Variants in NTNG1 observed in about 807,000 individuals in gnomAD.
NTNG1 encodes netrin G1.
Under a neutral mutation model 54.0 loss-of-function variants are expected in NTNG1, and 16 were observed. That is an observed-to-expected ratio of 0.30 (90% CI 0.20 to 0.45). The LOEUF is 0.45. NTNG1 is among the 20% of genes least tolerant of loss of function. The pLI is 1.00. For synonymous variants in NTNG1, 255 were observed against 263.1 expected, an observed-to-expected ratio of 0.97 and a Z score of 0.30; for missense variants, 530 against 678.7, an observed-to-expected ratio of 0.78 and a Z score of 2.43.
At chr1:107,368,944 CCA>C (rs1670753669) in intron 3 of NTNG1, among the ~76,000 whole-genome samples, 4 of 152,280 alleles carry the variant, frequency 2.6e-5, no homozygotes, top group Admixed American at 2.6e-4. Flanking sequence ...GTGAACATAT[CCA>C]TTATGCCCAG....
rs182936010 is a variant in NTNG1, at chr1:107,400,800, C to G, written c.1060+5474C>G. On this transcript the variant is annotated intron_variant, in intron 4 of 7. Coordinates refer to ENST00000370068, the MANE Select transcript of NTNG1 (RefSeq NM_001113226.3). The stretch of plus-strand genomic sequence containing the variant: ...AGTAGCTGGGATTACAGGTGCCCAC[C>G]ACCACACCCAGCTAATTTTTTGTAT... Among the ~76,000 whole-genome samples, 95 of 152,196 alleles carry G rather than the reference C, an allele frequency of 6.2e-4. 2 individuals carry two copies. In the East Asian group the frequency reaches 0.013, roughly 21 times the overall value.
chr1:107,209,922 C>G (rs910758920), intron 2 of NTNG1, among the ~76,000 whole-genome samples: 1 of 151,538 alleles, frequency 6.6e-6, no homozygotes, highest in Admixed American at 6.6e-5. Flanking sequence ...TTAAGTTGCT[C>G]CAGGTTTTGT....
chr1:107,275,567 T>G (rs1441269645), intron 2 of NTNG1, among the ~76,000 whole-genome samples: 1 of 151,810 alleles, frequency 6.6e-6, no homozygotes, highest in Non-Finnish European at 1.5e-5. Context: ...GTAGTTCCAG[T>G]CCAAAGACCA....
intron 5 of NTNG1, among the ~76,000 whole-genome samples, chr1:107,414,865 G>T (rs1352304073): frequency 1.3e-5 from 2 of 152,226 alleles, no homozygotes; most frequent in East Asian, 3.9e-4. Flanking sequence ...TTGTTCAAGT[G>T]GTGGAACCGG....
chr1:107,395,382 T>C (rs1302459770), intron 4 of NTNG1, 56 bp downstream of exon 4: 1 of 1,471,336 alleles, frequency 6.8e-7, no homozygotes, highest in Non-Finnish European at 9.5e-7. Context: ...TGATAGTTCC[T>C]CTCAATTTTG....
chr1:107,406,310 C>T (rs1427277078), intron 4 of NTNG1, among the ~76,000 whole-genome samples: 1 of 151,992 alleles, frequency 6.6e-6, no homozygotes, highest in East Asian at 1.9e-4. Context: ...AAAATAGAAC[C>T]TTAATGATTT....
chr1:107,448,990 G>T (rs1343502471), intron 7 of NTNG1, among the ~76,000 whole-genome samples: 2 of 152,070 alleles, frequency 1.3e-5, no homozygotes, highest in Non-Finnish European at 2.9e-5. Context: ...TTGGGCACAT[G>T]AAAGAGAACA....
intron 3 of NTNG1, among the ~76,000 whole-genome samples, chr1:107,355,003 C>T (rs541666592): frequency 6.6e-6 from 1 of 152,306 alleles, no homozygotes; most frequent in East Asian, 1.9e-4. Context: ...AGCAATGCTA[C>T]TTCTGTCTTA....
chr1:107,258,347 G>T (rs527540714), intron 2 of NTNG1, among the ~76,000 whole-genome samples: 2 of 150,546 alleles, frequency 1.3e-5, no homozygotes, highest in Non-Finnish European at 3.0e-5. Context: ...AATAATGCAG[G>T]TTTATCTCTG....
At chr1:107,407,116 T>G (rs1221078721) in intron 4 of NTNG1, among the ~76,000 whole-genome samples, 2 of 152,154 alleles carry the variant, frequency 1.3e-5, no homozygotes, top group African/African-American at 4.8e-5. Flanking sequence ...GAGTTTCTAT[T>G]ACAGAGTTTA....
At chr1:107,376,901 C>T (rs6662404) in intron 3 of NTNG1, among the ~76,000 whole-genome samples, 47,911 of 151,966 alleles carry the variant, frequency 0.32, 7,986 homozygotes, top group East Asian at 0.58. Flanking sequence ...ATCTGAATAA[C>T]GCCTCTTCTC....
At chr1:107,254,831 G>A (rs1662827492) in intron 2 of NTNG1, among the ~76,000 whole-genome samples, 1 of 152,166 alleles carries the variant, frequency 6.6e-6, no homozygotes, top group African/African-American at 2.4e-5. Context: ...ATACCTATCT[G>A]TGACTTTGAA....
At chr1:107,310,217 A>G (rs572520531) in intron 2 of NTNG1, among the ~76,000 whole-genome samples, 3 of 152,256 alleles carry the variant, frequency 2.0e-5, no homozygotes, top group South Asian at 4.1e-4. Context: ...TCTCTCTAAC[A>G]ATAGATTTTT....
At chr1:107,148,910 G>C in intron 2 of NTNG1, 71 bp downstream of exon 2, 1 of 1,439,906 alleles carries the variant, frequency 6.9e-7, no homozygotes, top group Non-Finnish European at 9.6e-7. Context: ...CAGATGTGGT[G>C]AGTGTGAAGA....
chr1:107,447,669 T>C lies in NTNG1; in HGVS notation c.1390+10870T>C, dbSNP rs375988931. 1.7e-4 allele frequency among the ~76,000 whole-genome samples: 26 copies of C among 152,188 alleles called. No individual in the cohort carries two copies. The South Asian group carries it at 5.2e-3, about 30-fold the overall frequency. ...TGCTTCACTTGATAGAAACATCTAA[T>C]AAAACATGGTTCAATCAACTATGTT... On this transcript the variant is annotated intron_variant, in intron 7 of 7. Coordinates refer to ENST00000370068, the MANE Select transcript of NTNG1 (RefSeq NM_001113226.3).
Position 107,148,682 on chromosome 1 carries a change from A to G in NTNG1, c.89A>G (p.Tyr30Cys), listed in dbSNP as rs1159068900. Residue 30 changes from tyrosine to cysteine, a missense_variant, in exon 2 of 8, where the codon TAT becomes TGT. This residue lies in a region of NTNG1 where 318 missense variants were observed against 465.1 expected (regional missense o/e 0.68). Transcript: ENST00000370068. ...MQPYPLVWGH[Y>C]DLCKTQIYTE... is the part of the protein sequence containing the mutation. The stretch of plus-strand genomic sequence containing the variant: ...CCCTACCCTTTGGTTTGGGGACATT[A>G]TGATTTGTGTAAGACTCAGATTTAC... The G allele has an allele frequency of 6.2e-7, 1 of 1,613,578 alleles. No homozygotes were observed. Among genetic ancestry groups the G allele is most frequent in the Admixed American group, 1.7e-5 (1 of 59,960 alleles).
intron 2 of NTNG1, among the ~76,000 whole-genome samples, chr1:107,228,104 A>G (rs1660808742): frequency 6.6e-6 from 1 of 152,200 alleles, no homozygotes; most frequent in South Asian, 2.1e-4. Flanking sequence ...TCTTGCATCA[A>G]CTTTAAAACA....
intron 7 of NTNG1, among the ~76,000 whole-genome samples, chr1:107,457,709 T>C (rs1399080733): frequency 6.6e-6 from 1 of 152,152 alleles, no homozygotes; most frequent in Non-Finnish European, 1.5e-5. Context: ...GTTTGAATCA[T>C]ACATAAGCCA....
intron 2 of NTNG1, among the ~76,000 whole-genome samples, chr1:107,261,351 A>G (rs940804512): frequency 1.3e-5 from 2 of 152,220 alleles, no homozygotes; most frequent in African/African-American, 4.8e-5. Context: ...TTAAAATACC[A>G]GACAACTTCC....
Sources: allele counts gnomAD v4.1 joint callset (sites outside exome capture counted in the v4.1 genomes callset), GRCh38; gene constraint gnomAD v4.1.1; regional missense constraint gnomAD v4.1.1; transcripts MANE v1.5; gene names NCBI Gene and HGNC (gene_info 2026-07-23, HGNC 2026-07-21).